LLGL2: variants seen among roughly 807,000 people sequenced by gnomAD.
LLGL2 encodes LLGL scribble cell polarity complex component 2.
LLGL2 carries 81 observed loss-of-function variants against 123.2 expected under a neutral mutation model. That is an observed-to-expected ratio of 0.66 (90% CI 0.55 to 0.79). LLGL2 has a LOEUF of 0.79. Ranked by LOEUF, LLGL2 falls within the 30% of genes least tolerant of loss-of-function variation. The pLI, the probability that LLGL2 is intolerant of heterozygous loss-of-function variation, is 0.00. For missense variants in LLGL2, 1,273 were observed against 1,414.6 expected (o/e 0.90, Z 1.61); for synonymous variants, 577 against 594.1 (o/e 0.97, Z 0.42).
At chr17:75,539,625 T>TTA (rs1555649929) in intron 1 of LLGL2, among the ~76,000 whole-genome samples, 1 of 148,672 alleles carries the variant, frequency 6.7e-6, no homozygotes, top group Admixed American at 6.7e-5. Flanking sequence ...TTTTTTTTTT[T>TTA]TATACAGAAT....
intron 6 of LLGL2, among the ~76,000 whole-genome samples, chr17:75,561,692 G>A (rs528371110): frequency 2.6e-5 from 4 of 152,212 alleles, no homozygotes; most frequent in South Asian, 2.1e-4. Flanking sequence ...AGGCGGAGGC[G>A]GGTGGATCAC....
intron 10 of LLGL2, 37 bp from the exon 11 acceptor site, chr17:75,568,439 C>T (rs538209493): frequency 9.4e-6 from 15 of 1,599,498 alleles, no homozygotes; most frequent in Admixed American, 6.7e-5. Context: ...GCTGCTTCCT[C>T]CTGGCCCCGG....
chr17:75,529,111 G>A (rs549279291), intron 1 of LLGL2, among the ~76,000 whole-genome samples: 12 of 150,364 alleles, frequency 8.0e-5, no homozygotes, highest in South Asian at 2.1e-4. Context: ...AGCCGAGATC[G>A]TGCGATTGCA....
chr17:75,573,569 A>G lies in LLGL2; in HGVS notation c.2814A>G (p.Ala938=). The G allele has an allele frequency of 6.2e-7, 1 of 1,612,854 alleles. No individual in the cohort carries two copies. Among genetic ancestry groups the G allele is most frequent in the Non-Finnish European group, 8.5e-7 (1 of 1,179,924 alleles). The change falls in exon 21 of 26, where the codon GCA becomes GCG. Residue 938 remains alanine (A), a synonymous_variant. Coordinates refer to ENST00000392550, the MANE Select transcript of LLGL2 (RefSeq NM_001031803.2). ...LVEPRCLVDS[A]ETKNHRPGNG... ...AGCCCCGGTGTCTGGTGGATTCAGC[A>G]GAAACCAAGAACCACCGCCCTGGTA...
chr17:75,559,369 G>A lies in LLGL2; in HGVS notation c.489G>A (p.Ala163=), dbSNP rs371727851. The A allele has an allele frequency of 1.4e-5, 22 of 1,613,092 alleles. No homozygotes were observed. Among genetic ancestry groups the A allele is most frequent in the African/African-American group, 1.2e-4 (9 of 74,886 alleles). Residue 163 remains alanine, a synonymous_variant, in exon 6 of 26, where the codon GCG becomes GCA. Coordinates refer to ENST00000392550, the MANE Select transcript of LLGL2 (RefSeq NM_001031803.2). The surrounding 1 kb of genome is among the most constrained non-coding windows in gnomAD (Gnocchi z 4.6). ...TGGTGCAGCTGCCAGCTTTTCGTGC[G>A]CTGGAGGACCGGACCATCAGCTCGG... ...VFVVQLPAFR[A]LEDRTISSDA...
chr17:75,541,679 G>A (rs912721686), intron 1 of LLGL2, among the ~76,000 whole-genome samples: 3 of 145,966 alleles, frequency 2.1e-5, no homozygotes, highest in Non-Finnish European at 4.5e-5. Flanking sequence ...ATAACTGACC[G>A]TGCAGATCCT....
Position 75,544,834 on chromosome 17 carries a change from G to A in LLGL2, c.75+1333G>A, listed in dbSNP as rs1373338445. On this transcript the variant is annotated intron_variant, in intron 2 of 25. Coordinates refer to ENST00000392550, the MANE Select transcript of LLGL2 (RefSeq NM_001031803.2). This position sits in a 1 kb window ranked among gnomAD's most constrained non-coding sequence, Gnocchi z 4.2. ...ATGGAGCTTTGCCACGAGGACATTTGCCTCTGGAATTAGGGCTTTCCTATC... is the reference window on the plus strand; with the variant it reads ...ATGGAGCTTTGCCACGAGGACATTTACCTCTGGAATTAGGGCTTTCCTATC... Among the ~76,000 whole-genome samples, 2 of 152,158 alleles carry A rather than the reference G, an allele frequency of 1.3e-5. No homozygotes were observed. Among genetic ancestry groups the A allele is most frequent in the African/African-American group, 2.4e-5 (1 of 41,432 alleles).
chr17:75,561,852 G>A (rs2055233012), intron 6 of LLGL2, among the ~76,000 whole-genome samples: 1 of 151,628 alleles, frequency 6.6e-6, no homozygotes, highest in Non-Finnish European at 1.5e-5. Context: ...AACCCCGGAG[G>A]TGGAGGTTGT....
intron 3 of LLGL2, among the ~76,000 whole-genome samples, chr17:75,556,986 G>A (rs1358495071): frequency 2.7e-5 from 4 of 149,668 alleles, no homozygotes; most frequent in Non-Finnish European, 3.0e-5. Flanking sequence ...CCAAGATTGT[G>A]CCACTGCACT....
At chr17:75,541,697 A>G (rs1055582213) in intron 1 of LLGL2, among the ~76,000 whole-genome samples, 1 of 140,314 alleles carries the variant, frequency 7.1e-6, no homozygotes, top group African/African-American at 2.7e-5. Flanking sequence ...CCTTTCACTC[A>G]AGGGGGATGT....
chr17:75,542,316 C>T (rs2054245704), intron 1 of LLGL2, among the ~76,000 whole-genome samples: 1 of 152,110 alleles, frequency 6.6e-6, no homozygotes, highest in African/African-American at 2.4e-5. Flanking sequence ...AAGCACTCAA[C>T]ACTGGGCTGC....
In LLGL2 at chr17:75,558,620, C is replaced by A. The variant is rs201164163; in HGVS notation, c.364C>A (p.Pro122Thr). ...QEDESFTLRGPPGAAPSATQI... is the reference protein window; with the variant it reads ...QEDESFTLRGTPGAAPSATQI... The stretch of plus-strand genomic sequence containing the variant: ...GGATGAGAGCTTCACACTGCGTGGA[C>A]CCCCAGGGTAAGGGCTCAATCCCCA... The change falls in exon 5 of 26, where the codon CCC becomes ACC. Residue 122 changes from proline (P) to threonine (T), a missense_variant. Coordinates refer to ENST00000392550, the MANE Select transcript of LLGL2 (RefSeq NM_001031803.2). This position sits in a 1 kb window ranked among gnomAD's most constrained non-coding sequence, Gnocchi z 4.0. The A allele has an allele frequency of 3.7e-6, 6 of 1,601,220 alleles. No homozygotes were observed. The South Asian group carries it at 6.8e-5, about 18-fold the overall frequency.
intron 2 of LLGL2, among the ~76,000 whole-genome samples, chr17:75,543,987 C>T (rs1246668359): frequency 2.6e-5 from 4 of 152,100 alleles, no homozygotes; most frequent in East Asian, 1.9e-4. Flanking sequence ...AGGCTGAACA[C>T]GTGATTCCTT....
intron 6 of LLGL2, chr17:75,562,757 ACAGGGTTTTGC>A: frequency 1.9e-6 from 1 of 514,240 alleles, no homozygotes; most frequent in Non-Finnish European, 3.5e-6. Context: ...TTTAGTAGAG[ACAGGGTTTTGC>A]CATGTTGGCC....
intron 1 of LLGL2, among the ~76,000 whole-genome samples, chr17:75,539,549 C>CT (rs919668039): frequency 5.3e-5 from 8 of 150,072 alleles, no homozygotes; most frequent in African/African-American, 9.8e-5. Flanking sequence ...CAGCCCATCT[C>CT]TTTTTTTTGA....
chr17:75,550,846 G>A (rs987697538), intron 2 of LLGL2, among the ~76,000 whole-genome samples: 6 of 151,126 alleles, frequency 4.0e-5, no homozygotes, highest in Non-Finnish European at 8.8e-5. Context: ...CACAGCCAGA[G>A]GTGCCCATGG....
At chr17:75,568,441 T>TGGCCCC in intron 10 of LLGL2, 35 bp from the exon 11 acceptor site, 1 of 1,600,890 alleles carries the variant, frequency 6.2e-7, no homozygotes, top group Non-Finnish European at 8.5e-7. Flanking sequence ...TGCTTCCTCC[T>TGGCCCC]GGCCCCGGCC....
At chr17:75,572,267 C>A (rs2055751046) in intron 19 of LLGL2, among the ~76,000 whole-genome samples, 1 of 152,078 alleles carries the variant, frequency 6.6e-6, no homozygotes, top group African/African-American at 2.4e-5. Context: ...GTGACTCATG[C>A]CTGTAATGCC....
chr17:75,561,139 G>T (rs1288041854), intron 6 of LLGL2, among the ~76,000 whole-genome samples: 3 of 152,104 alleles, frequency 2.0e-5, no homozygotes, highest in South Asian at 4.1e-4. Flanking sequence ...GCCCCTTTTG[G>T]CAGTTTAAAT....
Sources: allele counts gnomAD v4.1 joint callset (sites outside exome capture counted in the v4.1 genomes callset), GRCh38; gene constraint gnomAD v4.1.1; non-coding constraint Gnocchi (gnomAD v3.1); transcripts MANE v1.5; gene names NCBI Gene and HGNC (gene_info 2026-07-23, HGNC 2026-07-21).